The following SLC35F1 variants were observed in gnomAD, a reference collection of about 807,000 sequenced individuals.
SLC35F1 encodes solute carrier family 35 member F1, also known as chromosome 6 open reading frame 169.
A neutral mutation model predicts 48.7 loss-of-function variants in SLC35F1; 14 were observed. The ratio of observed to expected loss-of-function variants is 0.29; its 90% CI spans 0.19 to 0.45. The LOEUF is 0.45. Among genes scored for constraint, SLC35F1 ranks in the 20% least tolerant of loss-of-function variants. SLC35F1 has a pLI of 1.00. For missense variants in SLC35F1, 404 were observed against 500.0 expected (o/e 0.81, Z 1.83); for synonymous variants, 190 against 202.2 (o/e 0.94, Z 0.51).
At chr6:118,297,720 T>TTA (rs929393562) in intron 7 of SLC35F1, among the ~76,000 whole-genome samples, 5 of 113,770 alleles carry the variant, frequency 4.4e-5, no homozygotes, top group African/African-American at 1.7e-4. Flanking sequence ...GAAATATATA[T>TTA]TATATATATA....
intron 7 of SLC35F1, among the ~76,000 whole-genome samples, chr6:118,300,254 G>T (rs1045750823): frequency 2.0e-5 from 3 of 152,024 alleles, no homozygotes; most frequent in Admixed American, 1.3e-4. Context: ...TATCGTAGTG[G>T]GTATTATATG....
intron 1 of SLC35F1, among the ~76,000 whole-genome samples, chr6:118,045,782 C>T (rs4332012): frequency 0.51 from 77,724 of 151,994 alleles, 20,580 homozygotes; most frequent in Middle Eastern, 0.62. Flanking sequence ...AGTCTTATTG[C>T]GGGGATGGGA....
At chr6:118,069,313 C>CTTA (rs1772665000) in intron 1 of SLC35F1, among the ~76,000 whole-genome samples, 1 of 152,132 alleles carries the variant, frequency 6.6e-6, no homozygotes, top group Non-Finnish European at 1.5e-5. Context: ...AATCTAAAGT[C>CTTA]TTAACATCAT....
chr6:118,292,552 C>T (rs764372050), intron 7 of SLC35F1, among the ~76,000 whole-genome samples: 1 of 152,152 alleles, frequency 6.6e-6, no homozygotes, highest in Admixed American at 6.6e-5. Flanking sequence ...ATGATGATGT[C>T]TTTGAGCAGC....
intron 1 of SLC35F1, among the ~76,000 whole-genome samples, chr6:117,908,747 T>C (rs543334496): frequency 6.6e-6 from 1 of 152,354 alleles, no homozygotes; most frequent in Non-Finnish European, 1.5e-5. Context: ...TTAAGTAACT[T>C]GAAATGGTTG....
At chr6:118,128,832 T>C (rs1031538513) in intron 1 of SLC35F1, among the ~76,000 whole-genome samples, 3 of 151,766 alleles carry the variant, frequency 2.0e-5, no homozygotes, top group African/African-American at 7.3e-5. Context: ...AATAAATAAA[T>C]AAATAAAAGA....
At chr6:117,980,441 G>C (rs1241904208) in intron 1 of SLC35F1, among the ~76,000 whole-genome samples, 2 of 152,128 alleles carry the variant, frequency 1.3e-5, no homozygotes, top group African/African-American at 4.8e-5. Context: ...TATATGTTGA[G>C]GTGCCTGACT....
intron 1 of SLC35F1, among the ~76,000 whole-genome samples, chr6:118,083,900 T>C (rs1051100389): frequency 9.9e-5 from 15 of 152,224 alleles, no homozygotes; most frequent in Admixed American, 2.0e-4. Flanking sequence ...TCTGAGGTTA[T>C]TGAATGACAT....
At chr6:118,184,264 G>C (rs1010787130) in intron 2 of SLC35F1, among the ~76,000 whole-genome samples, 1 of 152,182 alleles carries the variant, frequency 6.6e-6, no homozygotes, top group Admixed American at 6.6e-5. Context: ...AAACTATCAA[G>C]AGCAAGACTC....
chr6:118,008,357 G>A (rs1309086295), intron 1 of SLC35F1, among the ~76,000 whole-genome samples: 1 of 152,184 alleles, frequency 6.6e-6, no homozygotes, highest in African/African-American at 2.4e-5. Flanking sequence ...TATGTAGGGT[G>A]TGCACAGCAG....
At chr6:118,202,338 TA>T (rs201526146) in intron 2 of SLC35F1, among the ~76,000 whole-genome samples, 4 of 151,016 alleles carry the variant, frequency 2.6e-5, no homozygotes, top group Non-Finnish European at 4.4e-5. Context: ...CTACAAAAAT[TA>T]AAAAAAAATT....
intron 6 of SLC35F1, among the ~76,000 whole-genome samples, chr6:118,281,204 C>CTCTCTCTCTCTATA: frequency 7.7e-6 from 1 of 130,484 alleles, no homozygotes; most frequent in African/African-American, 2.9e-5. Context: ...CTCTCTCTCT[C>CTCTCTCTCTCTATA]TATATATATA....
chr6:118,001,839 CAT>C (rs1777101667), intron 1 of SLC35F1, among the ~76,000 whole-genome samples: 1 of 151,968 alleles, frequency 6.6e-6, no homozygotes, highest in Admixed American at 6.6e-5. Context: ...AGCCAAAAAA[CAT>C]ATGAAAAAAT....
At chr6:117,939,829 A>T (rs1239702511) in intron 1 of SLC35F1, among the ~76,000 whole-genome samples, 1 of 152,082 alleles carries the variant, frequency 6.6e-6, no homozygotes, top group Non-Finnish European at 1.5e-5. Flanking sequence ...AAGCAAGTGG[A>T]GTGGGGACAG....
intron 2 of SLC35F1, among the ~76,000 whole-genome samples, chr6:118,154,944 G>C (rs1199568804): frequency 6.6e-6 from 1 of 152,164 alleles, no homozygotes; most frequent in Non-Finnish European, 1.5e-5. Flanking sequence ...GAACAGGCCT[G>C]ATGCAGATAT....
intron 1 of SLC35F1, among the ~76,000 whole-genome samples, chr6:117,963,666 G>T (rs1209365368): frequency 2.0e-5 from 3 of 152,032 alleles, no homozygotes; most frequent in Non-Finnish European, 4.4e-5. Context: ...AATACTTTAT[G>T]TATTTTTAGT....
In SLC35F1 at chr6:118,099,585, A is replaced by G. The variant is rs144933482; in HGVS notation, c.174-54860A>G. ...TTACCACTGACTCTCAGAGCCTGAA[A>G]TGCTCATTCATGCAGTCTCTCATCT... On this transcript the variant is annotated intron_variant, in intron 1 of 7. Coordinates refer to ENST00000360388, the MANE Select transcript of SLC35F1 (RefSeq NM_001029858.4). Among the ~76,000 whole-genome samples the G allele has an allele frequency of 6.7e-3, 1,018 of 151,912 alleles. 8 individuals carry two copies. Among genetic ancestry groups the G allele is most frequent in the Middle Eastern group, 0.014 (4 of 294 alleles).
At chr6:118,252,956 C>A (rs1441039670) in intron 3 of SLC35F1, among the ~76,000 whole-genome samples, 1 of 152,068 alleles carries the variant, frequency 6.6e-6, no homozygotes, top group African/African-American at 2.4e-5. Context: ...AATCTGGGAA[C>A]AAAGATGAGT....
chr6:118,220,057 T>C (rs1036486779), intron 2 of SLC35F1, among the ~76,000 whole-genome samples: 8 of 152,034 alleles, frequency 5.3e-5, no homozygotes, highest in African/African-American at 1.7e-4. Flanking sequence ...ATAGGAGATA[T>C]ACCTAATGTA....
Sources: allele counts gnomAD v4.1 joint callset (sites outside exome capture counted in the v4.1 genomes callset), GRCh38; gene constraint gnomAD v4.1.1; transcripts MANE v1.5; gene names NCBI Gene and HGNC (gene_info 2026-07-23, HGNC 2026-07-21).